The following NKX6-1 variants were observed in gnomAD, a reference collection of about 807,000 sequenced individuals.
The protein encoded by NKX6-1 is homeobox protein Nkx-6.1.
A neutral mutation model predicts 24.9 loss-of-function variants in NKX6-1; 11 were observed. That is an observed-to-expected ratio of 0.44 (90% confidence interval 0.28 to 0.73). The LOEUF is 0.73. NKX6-1 is among the 30% of genes least tolerant of loss of function. The pLI, the probability that NKX6-1 is intolerant of heterozygous loss-of-function variation, is 0.15. For synonymous variants in NKX6-1, 277 were observed against 242.9 expected (o/e 1.14, Z -1.31); for missense variants, 487 against 502.9 (o/e 0.97, Z 0.30).
At chr4:84,495,233 T>C (rs953472007) in intron 2 of NKX6-1, among the ~76,000 whole-genome samples, 1 of 152,238 alleles carries the variant, frequency 6.6e-6, no homozygotes, top group African/African-American at 2.4e-5. Context: ...AGCCCTGTAA[T>C]ACTGATCTAC....
chr4:84,494,918 C>A (rs1420689964), intron 2 of NKX6-1, among the ~76,000 whole-genome samples: 1 of 152,088 alleles, frequency 6.6e-6, no homozygotes, highest in Non-Finnish European at 1.5e-5. Context: ...CTTGTTTAAT[C>A]CCTTTATTTT....
rs1006852 is a variant in NKX6-1, at chr4:84,499,081, C to T, written c.-853G>A. Among the ~76,000 whole-genome samples, 75,378 of 152,096 alleles carry T rather than the reference C, an allele frequency of 0.5. 21,782 individuals carry two copies. Among genetic ancestry groups the T allele is most frequent in the African/African-American group, 0.8 (33,085 of 41,518 alleles). Reference sequence around the variant, plus strand: ...GTCAGTCCACTTCTGCAAACGGGCCCGGCGACCCCCGCCCCACCCCCGCTC... The same window carrying T: ...GTCAGTCCACTTCTGCAAACGGGCCTGGCGACCCCCGCCCCACCCCCGCTC... On this transcript the variant is annotated 5_prime_UTR_variant, in exon 1 of 3. Transcript: ENST00000295886.
rs1720838128 is a variant in NKX6-1 at position 84,497,253 on chromosome 4, C to T, written c.670+306G>A. Among the ~76,000 whole-genome samples, 1 of 152,116 alleles carries T rather than the reference C, an allele frequency of 6.6e-6. No individual in the cohort carries two copies. Among genetic ancestry groups the T allele is most frequent in the Admixed American group, 6.5e-5 (1 of 15,288 alleles). ...CAGGCCGTTTCAGGAACAGCCAGGG[C>T]CTCGGACGAGACACACGTCCCTCAC... On this transcript the variant is annotated intron_variant, in intron 1 of 2. Transcript: ENST00000295886. The surrounding 1 kb of genome is among the most constrained non-coding windows in gnomAD (Gnocchi z 4.8).
At position 84,493,010 on chromosome 4, in the gene NKX6-1, G is replaced by A. The variant is rs1007563358; in HGVS notation, c.*279C>T. 1 of 232,574 alleles carries A rather than the reference G, an allele frequency of 4.3e-6. No individual in the cohort carries two copies. The allele number at this position is 232,574 out of a possible 1,614,324, so 14.4% of individuals were successfully genotyped here. A position where few individuals can be genotyped will look rare whatever the true frequency, so the allele number is the denominator to read the frequency against. On this transcript the variant is annotated 3_prime_UTR_variant, in exon 3 of 3. Transcript: ENST00000295886. The surrounding 1 kb of genome is among the most constrained non-coding windows in gnomAD (Gnocchi z 5.1). ...CTATGGGGACGCGGCTGGGACCGTGGCCCGGCTGCGGGTTTCAGTAGCGAC... is the reference window on the plus strand; with the variant it reads ...CTATGGGGACGCGGCTGGGACCGTGACCCGGCTGCGGGTTTCAGTAGCGAC...
rs10549802 is a variant in NKX6-1 at position 84,495,584 on chromosome 4, G to GGT, written c.843+86_843+87dup. 3.8e-3 allele frequency: 3,674 copies of GGT among 954,716 alleles called. 8 individuals carry two copies. Among genetic ancestry groups the GGT allele is most frequent in the African/African-American group, 0.019 (1,121 of 60,584 alleles). The allele number at this position is 954,716 out of a possible 1,614,324, so 59.1% of individuals were successfully genotyped here. A position where few individuals can be genotyped will look rare whatever the true frequency, so the allele number is the denominator to read the frequency against. On this transcript the variant is annotated intron_variant, in intron 2 of 2. Coordinates refer to ENST00000295886, the MANE Select transcript of NKX6-1 (RefSeq NM_006168.3). ...CCCAGGCGACTGTTTGTTAGTTTGG[G>GGT]GTGTGTGTGTGTGTGTGTGTGCCCA...
intron 2 of NKX6-1, 37 bp downstream of exon 2, chr4:84,495,635 C>A: frequency 6.3e-7 from 1 of 1,586,866 alleles, no homozygotes; most frequent in South Asian, 1.1e-5. Context: ...GCGACAGGGG[C>A]GGTACCTATC....
rs756805721 is a variant in NKX6-1 at position 84,498,086 on chromosome 4, G to C, written c.143C>G (p.Pro48Arg). Residue 48 changes from proline (P) to arginine (R), a missense_variant, in exon 1 of 3, where the codon CCC becomes CGC. Pro to Arg is a moderately radical substitution (Grantham distance 103). Coordinates refer to ENST00000295886, the MANE Select transcript of NKX6-1 (RefSeq NM_006168.3). ...AAYPPLPAGP[P>R]SSSSSSSSSS... Reference sequence around the variant, plus strand: ...GGACGACGACGAGGACGAGGAGGAGGGGGGGCCGGCAGGCAGCGGGGGATA... The same window carrying C: ...GGACGACGACGAGGACGAGGAGGAGCGGGGGCCGGCAGGCAGCGGGGGATA... 1 of 1,263,066 alleles carries C rather than the reference G, an allele frequency of 7.9e-7. No homozygotes were observed. The highest frequency in any genetic ancestry group is 3.8e-5 in the Admixed American group (1 of 26,506). 78.2% of individuals were successfully genotyped at this position (1,263,066 alleles called of 1,614,324 possible).
intron 1 of NKX6-1, chr4:84,496,971 A>ACT (rs1158279511): frequency 6.6e-6 from 1 of 152,340 alleles, no homozygotes; most frequent in East Asian, 1.9e-4. Context: ...GGCCGAGTGT[A>ACT]CTCGGGCGGC....
rs756838227 is a variant in NKX6-1, at chr4:84,495,765, G to A, written c.750C>T (p.Ala250=). ...RPTFSGQQIF[A]LEKTFEQTKY... ...TTGTTTGTTCGAAAGTCTTCTCCAG[G>A]GCGAAGATCTGCTGTCCGGAAAAAG... is the stretch of plus-strand genomic sequence containing the variant. The change falls in exon 2 of 3, where the codon GCC becomes GCT. Residue 250 remains alanine, a synonymous_variant. Transcript: ENST00000295886. 6.2e-6 allele frequency: 10 copies of A among 1,614,078 alleles called. No individual in the cohort carries two copies. In the Admixed American group the frequency reaches 1.7e-4, roughly 27 times the overall value.
Position 84,493,250 on chromosome 4 carries a change from T to C in NKX6-1, c.*39A>G. The C allele has an allele frequency of 1.3e-6, 2 of 1,511,834 alleles. No homozygotes were observed. Among genetic ancestry groups the C allele is most frequent in the Non-Finnish European group, 1.8e-6 (2 of 1,139,706 alleles). 93.7% of individuals were successfully genotyped at this position (1,511,834 alleles called of 1,614,324 possible). A position where few individuals can be genotyped will look rare whatever the true frequency, so the allele number is the denominator to read the frequency against. ...CCCGCGCCCCTCGCGGCCCCAGAGG[T>C]GGAGGCCGGAGCCGGGAAGGTGCGG... On this transcript the variant is annotated 3_prime_UTR_variant, in exon 3 of 3. Transcript: ENST00000295886. The surrounding 1 kb of genome is among the most constrained non-coding windows in gnomAD (Gnocchi z 5.1).
Position 84,497,665 on chromosome 4 carries a change from G to A in NKX6-1, c.564C>T (p.Gly188=). The A allele has an allele frequency of 7.8e-7, 1 of 1,275,382 alleles. No homozygotes were observed. Among genetic ancestry groups the A allele is most frequent in the Non-Finnish European group, 9.9e-7 (1 of 1,006,672 alleles). 79.0% of individuals were successfully genotyped at this position (1,275,382 alleles called of 1,614,324 possible). ...GCTCAGCCAGCGGCTTGGGGTACCG[G>A]CCCACGGCGGCCACGGCCGCGGCGC... ...SPSAAAVAAV[G]RYPKPLAELP... is the part of the protein sequence containing the mutation. The change falls in exon 1 of 3, where the codon GGC becomes GGT. Residue 188 remains glycine (G), a synonymous_variant. Transcript: ENST00000295886. The surrounding 1 kb of genome is among the most constrained non-coding windows in gnomAD (Gnocchi z 4.8).
Position 84,493,484 on chromosome 4 carries a change from C to G in NKX6-1, c.909G>C (p.Lys303Asn). ...KKHAAEMATAKKKQDSETERL... is the reference protein window; with the variant it reads ...KKHAAEMATANKKQDSETERL... ...GCTCTGTCTCCGAGTCCTGCTTCTT[C>G]TTGGCCGTGGCCATCTCGGCAGCGT... The change falls in exon 3 of 3, where the codon AAG becomes AAC. Residue 303 changes from lysine (K) to asparagine (N), a missense_variant. Coordinates refer to ENST00000295886, the MANE Select transcript of NKX6-1 (RefSeq NM_006168.3). This position sits in a 1 kb window ranked among gnomAD's most constrained non-coding sequence, Gnocchi z 5.1. The G allele has an allele frequency of 1.9e-6, 3 of 1,614,262 alleles. No homozygotes were observed. The highest frequency in any genetic ancestry group is 2.5e-6 in the Non-Finnish European group (3 of 1,180,052).
intron 2 of NKX6-1, 110 bp downstream of exon 2, chr4:84,495,562 A>G: frequency 1.0e-6 from 1 of 1,000,976 alleles, no homozygotes; most frequent in Non-Finnish European, 1.5e-6. Flanking sequence ...CGCACCTCCC[A>G]GGCGACTGTT....
rs10549802 is a variant in NKX6-1, at chr4:84,495,584, G to GGTGTGT, written c.843+82_843+87dup. 1.7e-5 allele frequency: 16 copies of GGTGTGT among 960,552 alleles called. No homozygotes were observed. The East Asian group carries it at 2.6e-4, about 16-fold the overall frequency. 59.5% of individuals were successfully genotyped at this position (960,552 alleles called of 1,614,324 possible). ...CCCAGGCGACTGTTTGTTAGTTTGG[G>GGTGTGT]GTGTGTGTGTGTGTGTGTGTGCCCA... On this transcript the variant is annotated intron_variant, in intron 2 of 2. Transcript: ENST00000295886.
chr4:84,498,240 G>T lies in NKX6-1; in HGVS notation c.-12C>A. On this transcript the variant is annotated 5_prime_UTR_variant, in exon 1 of 3. Transcript: ENST00000295886. ...CCCACCGCTAACATCCCACGGCCAC[G>T]CCGGAGACCGTAGCCTTGCAGCGAG... The T allele has an allele frequency of 3.1e-6, 4 of 1,294,118 alleles. No homozygotes were observed. Among genetic ancestry groups the T allele is most frequent in the Non-Finnish European group, 3.9e-6 (4 of 1,020,666 alleles). 80.2% of individuals were successfully genotyped at this position (1,294,118 alleles called of 1,614,324 possible).
chr4:84,493,218 C>T lies in NKX6-1; in HGVS notation c.*71G>A, dbSNP rs1001058275. 1 of 1,353,808 alleles carries T rather than the reference C, an allele frequency of 7.4e-7. No homozygotes were observed. Among genetic ancestry groups the T allele is most frequent in the Non-Finnish European group, 9.5e-7 (1 of 1,053,992 alleles). The allele number at this position is 1,353,808 out of a possible 1,614,324, so 83.9% of individuals were successfully genotyped here. A position where few individuals can be genotyped will look rare whatever the true frequency, so the allele number is the denominator to read the frequency against. ...GAGGAGCGGGCAGGCGCGGCGTGCA[C>T]GCGGTCCCCGCGCCCCTCGCGGCCC... On this transcript the variant is annotated 3_prime_UTR_variant, in exon 3 of 3. Transcript: ENST00000295886. The surrounding 1 kb of genome is among the most constrained non-coding windows in gnomAD (Gnocchi z 5.1).
Position 84,493,536 on chromosome 4 carries a change from T to A in NKX6-1, c.857A>T (p.Asn286Ile), listed in dbSNP as rs1171299198. ...CTTCTTCCTCCACTTGGTCCGGCGGTTCTGGAACCAGACCTGAGGGCGGAG... is the reference window on the plus strand; with the variant it reads ...CTTCTTCCTCCACTTGGTCCGGCGGATCTGGAACCAGACCTGAGGGCGGAG... ...TESQVKVWFQ[N>I]RRTKWRKKHA... The change falls in exon 3 of 3, where the codon AAC becomes ATC. Residue 286 changes from asparagine to isoleucine, a missense_variant. Physicochemically the swap from Asn to Ile is moderately radical, Grantham distance 149. Transcript: ENST00000295886. This position sits in a 1 kb window ranked among gnomAD's most constrained non-coding sequence, Gnocchi z 5.1. 1 of 1,614,170 alleles carries A rather than the reference T, an allele frequency of 6.2e-7. No individual in the cohort carries two copies. The highest frequency in any genetic ancestry group is 8.5e-7 in the Non-Finnish European group (1 of 1,180,028).
rs1238810551 is a variant in NKX6-1, at chr4:84,493,656, C to T, written c.844-107G>A. The T allele has an allele frequency of 1.1e-5, 15 of 1,397,242 alleles. No homozygotes were observed. The highest frequency in any genetic ancestry group is 9.3e-5 in the East Asian group (4 of 43,136). The allele number at this position is 1,397,242 out of a possible 1,614,324, so 86.6% of individuals were successfully genotyped here. On this transcript the variant is annotated intron_variant, in intron 2 of 2. Coordinates refer to ENST00000295886, the MANE Select transcript of NKX6-1 (RefSeq NM_006168.3). This position sits in a 1 kb window ranked among gnomAD's most constrained non-coding sequence, Gnocchi z 5.1. ...CATCTCGATGGCCCTCCCGCGGCCC[C>T]CCGAAGGCCTGCTGCCCTCCCTCGC...
chr4:84,495,778 T>C lies in NKX6-1; in HGVS notation c.737A>G (p.Gln246Arg). ...AGTCTTCTCCAGGGCGAAGATCTGC[T>C]GTCCGGAAAAAGTGGGTCTCGTGTG... ...RKHTRPTFSG[Q>R]QIFALEKTFE... is the part of the protein sequence containing the mutation. Residue 246 changes from glutamine (Q) to arginine (R), a missense_variant, in exon 2 of 3, where the codon CAG becomes CGG. Transcript: ENST00000295886. 6.2e-7 allele frequency: 1 copy of C among 1,614,188 alleles called. No homozygotes were observed. Among genetic ancestry groups the C allele is most frequent in the Non-Finnish European group, 8.5e-7 (1 of 1,180,036 alleles).
Sources: gnomAD v4.1 joint callset for allele counts (sites outside exome capture counted in the v4.1 genomes callset) on GRCh38, gnomAD v4.1.1 for gene constraint, Gnocchi (gnomAD v3.1) non-coding constraint, MANE v1.5 for transcripts, NCBI Gene and HGNC (gene_info 2026-07-23, HGNC 2026-07-21) for gene names.